OXR1: variants seen among roughly 807,000 people sequenced by gnomAD.
The protein encoded by OXR1 is oxidation resistance 1, also known as oxidation resistance protein 1.
OXR1 carries 41 observed loss-of-function variants against 104.6 expected under a neutral mutation model. The observed-to-expected ratio is 0.39, with a 90% CI of 0.31 to 0.51. The LOEUF (loss-of-function observed/expected upper bound fraction) is 0.51, where lower values mean the gene tolerates loss of function less well. Ranked by LOEUF, OXR1 falls within the 20% of genes least tolerant of loss-of-function variation. The pLI, the probability that OXR1 is intolerant of heterozygous loss-of-function variation, is 0.77. For missense variants in OXR1, 955 were observed against 1,031.9 expected, an observed-to-expected ratio of 0.93 and a Z score of 1.02; for synonymous variants, 348 against 348.4, an observed-to-expected ratio of 1.00 and a Z score of 0.01.
chr8:106,506,571 G>A (rs1272787853), intron 2 of OXR1, among the ~76,000 whole-genome samples: 2 of 151,956 alleles, frequency 1.3e-5, no homozygotes, highest in African/African-American at 2.4e-5. Context: ...CTATCACGCC[G>A]CAGCCCTCCA....
At chr8:106,534,013 A>G (rs561421575) in intron 3 of OXR1, among the ~76,000 whole-genome samples, 2 of 152,240 alleles carry the variant, frequency 1.3e-5, no homozygotes, top group Non-Finnish European at 2.9e-5. Flanking sequence ...ACGCGCAGCC[A>G]GGTTTACCTT....
At chr8:106,641,360 C>T (rs1823613157) in intron 3 of OXR1, among the ~76,000 whole-genome samples, 1 of 152,186 alleles carries the variant, frequency 6.6e-6, no homozygotes, top group Non-Finnish European at 1.5e-5. Context: ...TGGCAACAGC[C>T]TGCCCTGCAT....
In OXR1 at chr8:106,516,103, C is replaced by T. The variant is rs149415398; in HGVS notation, c.24-2840C>T. ...ACTCCCTCTTTTTCTCTGTTCCAGC[C>T]ATTGTGCCCTCCCTGCTCCACTAAC... On this transcript the variant is annotated intron_variant, in intron 2 of 16. Transcript: ENST00000517566. Among the ~76,000 whole-genome samples, 384 of 152,168 alleles carry T rather than the reference C, an allele frequency of 2.5e-3. 2 individuals carry two copies. Among genetic ancestry groups the T allele is most frequent in the African/African-American group, 7.9e-3 (327 of 41,522 alleles).
intron 11 of OXR1, among the ~76,000 whole-genome samples, chr8:106,733,773 C>T (rs1834111794): frequency 6.8e-6 from 1 of 147,940 alleles, no homozygotes; most frequent in South Asian, 2.1e-4. Context: ...TTGCAGTGAG[C>T]CGAGATTGTG....
chr8:106,398,234 C>T (rs1251751840), intron 2 of OXR1, among the ~76,000 whole-genome samples: 7 of 152,152 alleles, frequency 4.6e-5, no homozygotes, highest in Non-Finnish European at 1.0e-4. Context: ...AATTGCATTT[C>T]CGTGGTCTTC....
chr8:106,725,782 CTG>C (rs1430131271), intron 11 of OXR1, among the ~76,000 whole-genome samples: 1 of 152,110 alleles, frequency 6.6e-6, no homozygotes, highest in African/African-American at 2.4e-5. Flanking sequence ...GTACTGTTAG[CTG>C]TAAGTAAGGA....
intron 3 of OXR1, among the ~76,000 whole-genome samples, chr8:106,542,941 T>C (rs1249292458): frequency 1.3e-5 from 2 of 152,192 alleles, no homozygotes; most frequent in African/African-American, 4.8e-5. Context: ...GTTGAGGGTA[T>C]GCTATATTAT....
chr8:106,314,099 G>A (rs1053942133), intron 1 of OXR1, among the ~76,000 whole-genome samples: 2 of 152,160 alleles, frequency 1.3e-5, no homozygotes, highest in African/African-American at 4.8e-5. Flanking sequence ...CTTCCTTACT[G>A]CAGGTCACCA....
At chr8:106,669,172 G>T (rs578180617) in intron 3 of OXR1, among the ~76,000 whole-genome samples, 1 of 152,072 alleles carries the variant, frequency 6.6e-6, no homozygotes, top group South Asian at 2.1e-4. Flanking sequence ...TGCAGAAGAA[G>T]TCTCTTGGAT....
At chr8:106,517,357 T>C (rs1812928153) in intron 2 of OXR1, among the ~76,000 whole-genome samples, 1 of 152,204 alleles carries the variant, frequency 6.6e-6, no homozygotes, top group South Asian at 2.1e-4. Flanking sequence ...TTGCTGCTAA[T>C]AGTCATAGTT....
At chr8:106,711,350 C>A (rs767943882) in intron 10 of OXR1, among the ~76,000 whole-genome samples, 1 of 152,096 alleles carries the variant, frequency 6.6e-6, no homozygotes, top group Non-Finnish European at 1.5e-5. Context: ...AACATTATAA[C>A]AACTTTCCCT....
intron 2 of OXR1, among the ~76,000 whole-genome samples, chr8:106,365,285 G>A (rs530298028): frequency 2.2e-4 from 34 of 151,852 alleles, no homozygotes; most frequent in Admixed American, 7.2e-4. Context: ...GTTTCATTAC[G>A]GTACTGAGAA....
At chr8:106,341,794 T>G (rs1815260398) in intron 1 of OXR1, among the ~76,000 whole-genome samples, 1 of 152,150 alleles carries the variant, frequency 6.6e-6, no homozygotes, top group South Asian at 2.1e-4. Flanking sequence ...CAAGATCACC[T>G]CATTTTGTCA....
intron 3 of OXR1, among the ~76,000 whole-genome samples, chr8:106,624,385 T>C (rs879717356): frequency 1.3e-5 from 2 of 152,178 alleles, no homozygotes; most frequent in Non-Finnish European, 2.9e-5. Context: ...TGGGGGCATC[T>C]CTGAGAAGGT....
At chr8:106,375,303 A>T (rs1041049037) in intron 2 of OXR1, among the ~76,000 whole-genome samples, 1 of 152,218 alleles carries the variant, frequency 6.6e-6, no homozygotes, top group African/African-American at 2.4e-5. Context: ...GTGCAAAAGT[A>T]ATTGTGGTTT....
At chr8:106,375,892 C>T (rs954175689) in intron 2 of OXR1, among the ~76,000 whole-genome samples, 23 of 152,226 alleles carry the variant, frequency 1.5e-4, no homozygotes, top group African/African-American at 5.5e-4. Flanking sequence ...CTCTGCTGCC[C>T]AGGCCAGGAT....
chr8:106,650,458 T>C (rs773914107), intron 3 of OXR1, among the ~76,000 whole-genome samples: 2 of 152,198 alleles, frequency 1.3e-5, no homozygotes, highest in Non-Finnish European at 2.9e-5. Flanking sequence ...ATCACATTTT[T>C]CTTACTGATG....
intron 3 of OXR1, among the ~76,000 whole-genome samples, chr8:106,597,515 A>G (rs903005451): frequency 3.9e-5 from 6 of 152,240 alleles, no homozygotes; most frequent in Non-Finnish European, 5.9e-5. Context: ...ACAGTTCTAC[A>G]AAATAAACTG....
At chr8:106,671,114 C>A (rs1826928029) in intron 3 of OXR1, among the ~76,000 whole-genome samples, 1 of 140,824 alleles carries the variant, frequency 7.1e-6, no homozygotes, top group African/African-American at 2.7e-5. Context: ...CAGATTCAAG[C>A]ATCCCTATCA....
Sources: gnomAD v4.1 joint callset for allele counts (sites outside exome capture counted in the v4.1 genomes callset) on GRCh38, gnomAD v4.1.1 for gene constraint, MANE v1.5 for transcripts, NCBI Gene and HGNC (gene_info 2026-07-23, HGNC 2026-07-21) for gene names.